The following PRSS23 variants were observed in gnomAD, a reference collection of about 807,000 sequenced individuals.
The protein encoded by PRSS23 is serine protease 23.
PRSS23 carries 25 observed loss-of-function variants against 34.7 expected under a neutral mutation model. The observed-to-expected ratio is 0.72, with a 90% CI of 0.53 to 1.01. PRSS23 has a LOEUF of 1.01. Among genes scored for constraint, PRSS23 ranks in the 50% least tolerant of loss-of-function variants. PRSS23 has a pLI of 0.00. For synonymous variants in PRSS23, 176 were observed against 186.6 expected (o/e 0.94, Z 0.46); for missense variants, 445 against 475.6 (o/e 0.94, Z 0.60).
At chr11:86,850,248 A>G (rs1294923884) in intron 2 of PRSS23, among the ~76,000 whole-genome samples, 1 of 152,102 alleles carries the variant, frequency 6.6e-6, no homozygotes, top group Non-Finnish European at 1.5e-5. Flanking sequence ...CATGGCTTCT[A>G]GTGAGAAACC....
At chr11:86,948,662 G>A (rs982983461) in intron 2 of PRSS23, 1 of 152,210 alleles carries the variant, frequency 6.6e-6, no homozygotes, top group African/African-American at 2.4e-5. Context: ...ACTAGCTCCA[G>A]AACTCAAAAC....
intron 2 of PRSS23, among the ~76,000 whole-genome samples, chr11:86,842,245 A>T (rs1318530246): frequency 1.3e-5 from 2 of 152,252 alleles, no homozygotes; most frequent in African/African-American, 4.8e-5. Context: ...CTTCATGCTA[A>T]AAACTCTATA....
chr11:86,915,893 A>G (rs569140923), intron 2 of PRSS23, among the ~76,000 whole-genome samples: 4 of 152,158 alleles, frequency 2.6e-5, no homozygotes, highest in African/African-American at 9.6e-5. Context: ...TCTACTAAAA[A>G]AATACAAAAA....
intron 2 of PRSS23, among the ~76,000 whole-genome samples, chr11:86,855,969 C>A (rs1484465330): frequency 6.6e-6 from 1 of 151,968 alleles, no homozygotes; most frequent in Non-Finnish European, 1.5e-5. Context: ...TGTGTGTATA[C>A]CACAGTTTTT....
At chr11:86,834,827 G>A (rs576969230) in intron 2 of PRSS23, among the ~76,000 whole-genome samples, 30 of 152,230 alleles carry the variant, frequency 2.0e-4, no homozygotes, top group Middle Eastern at 3.4e-3. Context: ...TCTAGTGCCC[G>A]AGTAAGGGCT....
At chr11:86,903,169 C>T (rs757280831) in intron 2 of PRSS23, among the ~76,000 whole-genome samples, 4 of 152,072 alleles carry the variant, frequency 2.6e-5, no homozygotes, top group Non-Finnish European at 5.9e-5. Context: ...CCCCACTGCC[C>T]TGTGTTTATC....
chr11:86,893,477 A>G (rs1948854699), intron 2 of PRSS23, among the ~76,000 whole-genome samples: 1 of 152,202 alleles, frequency 6.6e-6, no homozygotes. Flanking sequence ...ATTGGGAGAA[A>G]CATTGTTCTG....
At chr11:86,798,625 T>C (rs1429761114), upstream of PRSS23, among the ~76,000 whole-genome samples, 1 of 152,218 alleles carries the variant, frequency 6.6e-6, no homozygotes, top group East Asian at 1.9e-4. Context: ...TGGAAGAAAA[T>C]TTTTATAAAT....
At chr11:86,825,486 T>G (rs546304989) in intron 2 of PRSS23, among the ~76,000 whole-genome samples, 37 of 152,330 alleles carry the variant, frequency 2.4e-4, no homozygotes, top group Non-Finnish European at 4.3e-4. Context: ...TTAGTTTAAT[T>G]AGATCCCATT....
chr11:86,909,374 G>A (rs1419659340), intron 2 of PRSS23: 1 of 152,224 alleles, frequency 6.6e-6, no homozygotes, highest in African/African-American at 2.4e-5. Context: ...CCAAGGGGCT[G>A]AGGATTCGTG....
intron 2 of PRSS23, chr11:86,833,446 T>C (rs1948376930): frequency 1.5e-5 from 8 of 525,780 alleles, no homozygotes; most frequent in South Asian, 1.2e-4. Flanking sequence ...ATCTGTTAGA[T>C]TCTGTGGGTC....
At chr11:86,829,056 G>A (rs930484649) in intron 2 of PRSS23, among the ~76,000 whole-genome samples, 1 of 152,098 alleles carries the variant, frequency 6.6e-6, no homozygotes, top group African/African-American at 2.4e-5. Context: ...TGCTATATTG[G>A]GAAGTTGTCC....
chr11:86,818,663 C>T (rs181085072), intron 1 of PRSS23, among the ~76,000 whole-genome samples: 1 of 152,132 alleles, frequency 6.6e-6, no homozygotes, highest in African/African-American at 2.4e-5. Context: ...TCTTGGATTG[C>T]CCCCTAGTGG....
At chr11:86,796,881 C>T (rs1322822042), upstream of PRSS23, among the ~76,000 whole-genome samples, 1 of 152,224 alleles carries the variant, frequency 6.6e-6, no homozygotes, top group Non-Finnish European at 1.5e-5. Context: ...AGCTCAAATT[C>T]TACCTCAAAG....
intron 2 of PRSS23, among the ~76,000 whole-genome samples, chr11:86,928,148 A>AT (rs1949094513): frequency 6.7e-6 from 1 of 148,368 alleles, no homozygotes; most frequent in Non-Finnish European, 1.5e-5. Context: ...TATAATACAT[A>AT]TTATACATAA....
chr11:86,886,945 A>T (rs1948806539), intron 2 of PRSS23, among the ~76,000 whole-genome samples: 1 of 152,226 alleles, frequency 6.6e-6, no homozygotes, highest in Admixed American at 6.5e-5. Flanking sequence ...TCCATCTAAA[A>T]AAATAAATAA....
At chr11:86,853,348 A>G (rs1323376239) in intron 2 of PRSS23, among the ~76,000 whole-genome samples, 1 of 130,328 alleles carries the variant, frequency 7.7e-6, no homozygotes, top group Non-Finnish European at 1.6e-5. Flanking sequence ...TCCGCCTCCC[A>G]GGTTCAAGCG....
At chr11:86,928,223 TA>T (rs1949095380) in intron 2 of PRSS23, among the ~76,000 whole-genome samples, 1 of 69,200 alleles carries the variant, frequency 1.4e-5, no homozygotes, top group Admixed American at 1.5e-4. Context: ...TATAAATATA[TA>T]TGTATTATAT....
In PRSS23 at chr11:86,811,063, A is replaced by G. The variant is rs1188639062; in HGVS notation, c.*2268A>G. Reference sequence around the variant, plus strand: ...CACTCATGCCTTATGATTTTCTACCAAAAGTAAAAAGGGTTGTATTAAGTC... The same window carrying G: ...CACTCATGCCTTATGATTTTCTACCGAAAGTAAAAAGGGTTGTATTAAGTC... On this transcript the variant is annotated 3_prime_UTR_variant, in exon 2 of 2. Transcript: ENST00000280258. 6.0e-6 allele frequency: 1 copy of G among 166,994 alleles called. No homozygotes were observed. The highest frequency in any genetic ancestry group is 2.4e-5 in the African/African-American group (1 of 41,460). The allele number at this position is 166,994 out of a possible 1,614,324, so 10.3% of individuals were successfully genotyped here. A position where few individuals can be genotyped will look rare whatever the true frequency, so the allele number is the denominator to read the frequency against.
Sources: gnomAD v4.1 joint callset for allele counts (sites outside exome capture counted in the v4.1 genomes callset) on GRCh38, gnomAD v4.1.1 for gene constraint, MANE v1.5 for transcripts, NCBI Gene and HGNC (gene_info 2026-07-23, HGNC 2026-07-21) for gene names.